The following WDR70 variants were observed in gnomAD, a reference collection of about 807,000 sequenced individuals.
WDR70 encodes the protein WD repeat-containing protein 70.
WDR70 carries 53 observed loss-of-function variants against 88.6 expected under a neutral mutation model. That is an observed-to-expected ratio of 0.60 (90% CI 0.48 to 0.75). The LOEUF (loss-of-function observed/expected upper bound fraction) is 0.75. Ranked by LOEUF, WDR70 falls within the 30% of genes least tolerant of loss-of-function variation. The pLI, the probability that WDR70 is intolerant of heterozygous loss-of-function variation, is 0.00. For synonymous variants in WDR70, 280 were observed against 270.0 expected, an observed-to-expected ratio of 1.04 and a Z score of -0.36; for missense variants, 610 against 823.2, an observed-to-expected ratio of 0.74 and a Z score of 3.17.
chr5:37,693,103 C>T (rs2112642075), intron 10 of WDR70, among the ~76,000 whole-genome samples: 1 of 152,242 alleles, frequency 6.6e-6, no homozygotes, highest in African/African-American at 2.4e-5. Flanking sequence ...GAGTGAACTC[C>T]CATTCACAAT....
intron 3 of WDR70, among the ~76,000 whole-genome samples, chr5:37,383,133 C>T (rs1208832972): frequency 1.3e-5 from 2 of 151,738 alleles, no homozygotes; most frequent in African/African-American, 2.4e-5. Flanking sequence ...AAAAATAAAA[C>T]GTTGTACAGC....
chr5:37,390,551 G>A (rs907976383), intron 3 of WDR70, among the ~76,000 whole-genome samples: 3 of 151,150 alleles, frequency 2.0e-5, no homozygotes, highest in East Asian at 1.9e-4. Context: ...CTTGTTAGCC[G>A]GGATGGTCTC....
chr5:37,573,387 T>C (rs1023960015), intron 9 of WDR70, among the ~76,000 whole-genome samples: 1 of 152,234 alleles, frequency 6.6e-6, no homozygotes, highest in Non-Finnish European at 1.5e-5. Flanking sequence ...CCTCTTTTTT[T>C]TTCTTATGAT....
chr5:37,703,321 G>A lies in WDR70; in HGVS notation c.1416+234G>A, dbSNP rs138809011. 5.2e-3 allele frequency among the ~76,000 whole-genome samples: 790 copies of A among 152,208 alleles called. 3 individuals carry two copies. The highest frequency in any genetic ancestry group is 7.1e-3 in the Non-Finnish European group (480 of 68,002). On this transcript the variant is annotated intron_variant, in intron 13 of 17. Transcript: ENST00000265107. The stretch of plus-strand genomic sequence containing the variant: ...ACACTTTAGTAGGAATTTCAGCTGG[G>A]TTTCCCTCTCTGCCAAACAAATTGA...
intron 8 of WDR70, among the ~76,000 whole-genome samples, chr5:37,489,881 G>GT (rs1284738125): frequency 1.3e-5 from 2 of 151,958 alleles, no homozygotes; most frequent in Non-Finnish European, 2.9e-5. Flanking sequence ...TGCCATGCTG[G>GT]TGCGCTGCAC....
intron 8 of WDR70, among the ~76,000 whole-genome samples, chr5:37,489,380 C>T (rs1039890375): frequency 6.6e-6 from 1 of 152,042 alleles, no homozygotes; most frequent in Non-Finnish European, 1.5e-5. Context: ...AGTGGCAGGG[C>T]AACACCTGGG....
chr5:37,423,454 C>T (rs1001033075), intron 5 of WDR70, among the ~76,000 whole-genome samples: 1 of 151,172 alleles, frequency 6.6e-6, no homozygotes, highest in Non-Finnish European at 1.5e-5. Flanking sequence ...TTTTCAACTA[C>T]CATAGTTTCA....
intron 8 of WDR70, among the ~76,000 whole-genome samples, chr5:37,500,280 A>G (rs1247766762): frequency 6.6e-6 from 1 of 152,034 alleles, no homozygotes; most frequent in Non-Finnish European, 1.5e-5. Flanking sequence ...GTTCTTTTTT[A>G]TGGCTGGGTA....
intron 9 of WDR70, among the ~76,000 whole-genome samples, chr5:37,530,562 C>T (rs1448518398): frequency 6.6e-6 from 1 of 151,738 alleles, no homozygotes; most frequent in African/African-American, 2.4e-5. Context: ...ATTTATCCAT[C>T]GCCTCTAGTT....
At chr5:37,539,853 C>T (rs10061422) in intron 9 of WDR70, among the ~76,000 whole-genome samples, 5,303 of 152,276 alleles carry the variant, frequency 0.035, 316 homozygotes, top group African/African-American at 0.12. Flanking sequence ...TCTAGAATTA[C>T]GCCCCTTCAC....
intron 9 of WDR70, 114 bp downstream of exon 9, chr5:37,516,704 A>T: frequency 4.2e-6 from 1 of 237,086 alleles, no homozygotes. Context: ...AGGAATTCTT[A>T]TTATATACAT....
intron 5 of WDR70, among the ~76,000 whole-genome samples, chr5:37,405,240 T>C (rs945793410): frequency 6.6e-6 from 1 of 152,152 alleles, no homozygotes; most frequent in African/African-American, 2.4e-5. Flanking sequence ...TAAAACTGAA[T>C]AGACAGTATG....
intron 5 of WDR70, among the ~76,000 whole-genome samples, chr5:37,434,890 A>G (rs1750422946): frequency 6.6e-6 from 1 of 152,236 alleles, no homozygotes. Flanking sequence ...AAAATATTTT[A>G]CTGTTATAGC....
chr5:37,608,428 C>T lies in WDR70; in HGVS notation c.1092+3190C>T, dbSNP rs543558783. On this transcript the variant is annotated intron_variant, in intron 10 of 17. Coordinates refer to ENST00000265107, the MANE Select transcript of WDR70 (RefSeq NM_018034.4). Reference sequence around the variant, plus strand: ...CTGAAATTTCTTCTTCTCAGCAAGACCTTCCCTGACCACACCATATTTAAA... The same window carrying T: ...CTGAAATTTCTTCTTCTCAGCAAGATCTTCCCTGACCACACCATATTTAAA... Among the ~76,000 whole-genome samples, 19 of 152,266 alleles carry T rather than the reference C, an allele frequency of 1.2e-4. No homozygotes were observed. The East Asian group carries it at 3.5e-3, about 28-fold the overall frequency.
intron 5 of WDR70, among the ~76,000 whole-genome samples, chr5:37,433,582 A>G (rs747783161): frequency 1.2e-4 from 18 of 152,170 alleles, no homozygotes; most frequent in Non-Finnish European, 2.5e-4. Flanking sequence ...TGTATAACAC[A>G]TACACCCTTG....
At chr5:37,480,540 C>T (rs1310656901) in intron 8 of WDR70, among the ~76,000 whole-genome samples, 1 of 152,148 alleles carries the variant, frequency 6.6e-6, no homozygotes, top group Non-Finnish European at 1.5e-5. Context: ...AGAGCATGTG[C>T]AGGGGAACTC....
chr5:37,474,597 A>G lies in WDR70; in HGVS notation c.687-5237A>G, dbSNP rs201641971. ...CTTTTATTTTAAGTTCCAGGGCTAC[A>G]TGTGCAGGATGTGCAGGTTTGTTAC... On this transcript the variant is annotated intron_variant, in intron 7 of 17. Transcript: ENST00000265107. 5.9e-5 allele frequency among the ~76,000 whole-genome samples: 9 copies of G among 152,230 alleles called. No homozygotes were observed. In the East Asian group the frequency reaches 7.7e-4, roughly 13 times the overall value.
chr5:37,391,979 A>G, intron 3 of WDR70, 21 bp from the exon 4 acceptor site: 3 of 1,580,402 alleles, frequency 1.9e-6, no homozygotes, highest in African/African-American at 1.4e-5. Flanking sequence ...TTTTTTGTTA[A>G]TCTTTTTTTA....
intron 13 of WDR70, among the ~76,000 whole-genome samples, chr5:37,706,456 C>A (rs960515913): frequency 7.9e-5 from 12 of 152,114 alleles, no homozygotes; most frequent in African/African-American, 2.9e-4. Context: ...GTATTTGAAT[C>A]ATGGGGGCGG....
Sources: gnomAD v4.1 joint callset for allele counts (sites outside exome capture counted in the v4.1 genomes callset) on GRCh38, gnomAD v4.1.1 for gene constraint, MANE v1.5 for transcripts, NCBI Gene and HGNC (gene_info 2026-07-23, HGNC 2026-07-21) for gene names.